The following IPO11 variants were observed in gnomAD, a reference collection of about 807,000 sequenced individuals.
IPO11 encodes importin-11.
IPO11 carries 66 observed loss-of-function variants against 143.2 expected under a neutral mutation model. The observed-to-expected ratio is 0.46, with a 90% CI of 0.38 to 0.57. The LOEUF (loss-of-function observed/expected upper bound fraction) is 0.57. Among genes scored for constraint, IPO11 ranks in the 20% least tolerant of loss-of-function variants. The pLI is 0.00. For missense variants in IPO11, 1,026 were observed against 1,141.0 expected (o/e 0.90, Z 1.45); for synonymous variants, 385 against 377.8 (o/e 1.02, Z -0.22).
chr5:62,603,459 T>G (rs1745582728), intron 29 of IPO11, among the ~76,000 whole-genome samples: 3 of 152,232 alleles, frequency 2.0e-5, no homozygotes, highest in Admixed American at 2.0e-4. Flanking sequence ...TGACAATAAT[T>G]TGTATTCATT....
chr5:62,528,114 G>T (rs1455700527), intron 21 of IPO11, among the ~76,000 whole-genome samples: 1 of 152,188 alleles, frequency 6.6e-6, no homozygotes, highest in East Asian at 1.9e-4. Context: ...GGCCAGGGCA[G>T]AATTCTAATG....
chr5:62,626,040 T>C (rs976744429), intron 29 of IPO11, among the ~76,000 whole-genome samples: 3 of 152,188 alleles, frequency 2.0e-5, no homozygotes, highest in African/African-American at 7.2e-5. Context: ...CTTTTTCTTT[T>C]TTTTTTCGAG....
At chr5:62,532,088 C>T (rs977060792) in intron 22 of IPO11, among the ~76,000 whole-genome samples, 3 of 152,296 alleles carry the variant, frequency 2.0e-5, no homozygotes, top group South Asian at 2.1e-4. Context: ...CCAACTTTGT[C>T]GTGAACAACA....
intron 16 of IPO11, among the ~76,000 whole-genome samples, chr5:62,502,180 A>G (rs571946704): frequency 1.8e-4 from 27 of 152,086 alleles, no homozygotes; most frequent in Non-Finnish European, 3.7e-4. Flanking sequence ...AATGTTTCTT[A>G]TGTCTTGACG....
At chr5:62,506,868 G>A (rs1030680009) in intron 19 of IPO11, among the ~76,000 whole-genome samples, 3 of 152,072 alleles carry the variant, frequency 2.0e-5, no homozygotes, top group Non-Finnish European at 2.9e-5. Flanking sequence ...TGTAATTATC[G>A]TTGTGACTTC....
chr5:62,621,324 T>C (rs889303159), intron 29 of IPO11, among the ~76,000 whole-genome samples: 1 of 152,046 alleles, frequency 6.6e-6, no homozygotes, highest in Admixed American at 6.6e-5. Flanking sequence ...GGAACAGAAT[T>C]ATTGGGCAAA....
intron 9 of IPO11, among the ~76,000 whole-genome samples, chr5:62,481,354 G>A (rs1351656771): frequency 6.6e-6 from 1 of 152,166 alleles, no homozygotes; most frequent in Admixed American, 6.5e-5. Flanking sequence ...CAAAGGGAAT[G>A]CTTCCAGTTT....
intron 27 of IPO11, among the ~76,000 whole-genome samples, chr5:62,588,212 ACT>A (rs1028935693): frequency 6.9e-6 from 1 of 144,526 alleles, no homozygotes; most frequent in Admixed American, 6.9e-5. Context: ...CAGTTTTCTT[ACT>A]CTCTACCACT....
intron 20 of IPO11, among the ~76,000 whole-genome samples, chr5:62,519,216 T>G (rs999815630): frequency 2.0e-5 from 3 of 152,218 alleles, no homozygotes; most frequent in African/African-American, 7.2e-5. Flanking sequence ...TACCTAAGCA[T>G]TAGAGAATGC....
intron 28 of IPO11, among the ~76,000 whole-genome samples, chr5:62,597,256 T>TA (rs1298311392): frequency 6.6e-6 from 1 of 151,796 alleles, no homozygotes; most frequent in Non-Finnish European, 1.5e-5. Context: ...ATTACCAGGA[T>TA]AAAAAAAAGA....
At chr5:62,466,158 T>A (rs1187330162) in intron 5 of IPO11, among the ~76,000 whole-genome samples, 1 of 152,196 alleles carries the variant, frequency 6.6e-6, no homozygotes, top group Non-Finnish European at 1.5e-5. Context: ...GATCACAGGA[T>A]GTTTTGCCAA....
At chr5:62,567,489 A>ATTTT (rs150049462) in intron 27 of IPO11, among the ~76,000 whole-genome samples, 3 of 123,090 alleles carry the variant, frequency 2.4e-5, no homozygotes, top group African/African-American at 3.2e-5. Context: ...TATTATTATT[A>ATTTT]TTATTATTTT....
At chr5:62,602,770 A>G (rs928405288) in intron 29 of IPO11, among the ~76,000 whole-genome samples, 1 of 152,202 alleles carries the variant, frequency 6.6e-6, no homozygotes, top group East Asian at 1.9e-4. Flanking sequence ...GCTAGGTATC[A>G]TCTCCCTAGC....
chr5:62,455,504 CAGAGAG>C (rs1313662903), intron 5 of IPO11, among the ~76,000 whole-genome samples: 1 of 152,130 alleles, frequency 6.6e-6, no homozygotes, highest in African/African-American at 2.4e-5. Context: ...GCCTAGACGA[CAGAGAG>C]AGAGTGTCTC....
intron 29 of IPO11, among the ~76,000 whole-genome samples, chr5:62,607,397 G>A (rs982135463): frequency 5.9e-5 from 9 of 152,036 alleles, no homozygotes; most frequent in Non-Finnish European, 8.8e-5. Flanking sequence ...CTCTCTGGAT[G>A]ATTTTGACCA....
At chr5:62,616,099 G>T (rs372425640) in intron 29 of IPO11, among the ~76,000 whole-genome samples, 1 of 152,136 alleles carries the variant, frequency 6.6e-6, no homozygotes, top group African/African-American at 2.4e-5. Context: ...AGAACAGAGA[G>T]GAGGAGGAGC....
chr5:62,581,089 C>G (rs964362323), intron 27 of IPO11: 15 of 1,548,116 alleles, frequency 9.7e-6, no homozygotes, highest in Non-Finnish European at 1.3e-5. Context: ...CAAAGTTGTT[C>G]AGTTTAAACA....
chr5:62,425,079 G>T (rs1000340290), intron 1 of IPO11, among the ~76,000 whole-genome samples: 1 of 152,000 alleles, frequency 6.6e-6, no homozygotes, highest in African/African-American at 2.4e-5. Flanking sequence ...CATCTTTCTC[G>T]CATTGCATTA....
intron 19 of IPO11, chr5:62,512,398 CTA>C (rs753417155): frequency 1.5e-6 from 2 of 1,321,780 alleles, no homozygotes; most frequent in Admixed American, 3.4e-5. Context: ...ACCAGCTTGG[CTA>C]TGTCCTTGGG....
Sources: gnomAD v4.1 joint callset for allele counts (sites outside exome capture counted in the v4.1 genomes callset) on GRCh38, gnomAD v4.1.1 for gene constraint, MANE v1.5 for transcripts, NCBI Gene and HGNC (gene_info 2026-07-23, HGNC 2026-07-21) for gene names.